P3H2: variants seen among roughly 807,000 people sequenced by gnomAD.
P3H2 encodes prolyl 3-hydroxylase 2.
Under a neutral mutation model 87.0 loss-of-function variants are expected in P3H2, and 80 were observed. That is an observed-to-expected ratio of 0.92 (90% confidence interval 0.77 to 1.11). P3H2 has a LOEUF of 1.11. Ranked by LOEUF, P3H2 falls within the 50% of genes least tolerant of loss-of-function variation. P3H2 has a pLI of 0.00. For synonymous variants in P3H2, 367 were observed against 359.3 expected, an observed-to-expected ratio of 1.02 and a Z score of -0.24; for missense variants, 1,001 against 923.9, an observed-to-expected ratio of 1.08 and a Z score of -1.08.
chr3:190,098,637 G>C (rs986217482), intron 1 of P3H2, among the ~76,000 whole-genome samples: 2 of 152,126 alleles, frequency 1.3e-5, no homozygotes, highest in Admixed American at 1.3e-4. Context: ...AGAGGCAAAA[G>C]AGACTTTGAG....
chr3:190,079,067 G>A (rs1435032250), intron 1 of P3H2, among the ~76,000 whole-genome samples: 6 of 152,126 alleles, frequency 3.9e-5, no homozygotes, highest in Non-Finnish European at 8.8e-5. Context: ...TGAGCCAGGT[G>A]TGGTGGCTCA....
At chr3:190,015,557 T>C (rs1724725986) in intron 1 of P3H2, among the ~76,000 whole-genome samples, 1 of 152,030 alleles carries the variant, frequency 6.6e-6, no homozygotes, top group African/African-American at 2.4e-5. Flanking sequence ...ATGAACTTTT[T>C]TTGTCTCCCT....
chr3:190,038,716 A>G (rs9852687), intron 1 of P3H2, among the ~76,000 whole-genome samples: 2,184 of 152,322 alleles, frequency 0.014, 49 homozygotes, highest in African/African-American at 0.05. Context: ...CCCCAAGACA[A>G]GCCAGAAATA....
At chr3:189,994,039 G>T in intron 3 of P3H2, 55 bp downstream of exon 3, 2 of 1,336,196 alleles carry the variant, frequency 1.5e-6, no homozygotes, top group Non-Finnish European at 1.1e-6. Flanking sequence ...TTTACAAATT[G>T]CAAGTAGTAT....
rs149108440 is a variant in P3H2 at position 190,102,886 on chromosome 3, C to T, written c.480+17366G>A. On this transcript the variant is annotated intron_variant, in intron 1 of 14. Coordinates refer to ENST00000319332, the MANE Select transcript of P3H2 (RefSeq NM_018192.4). ...TTTTTGTTTTAAATGCCAGTCACTCCAATTTACAGTAACCACCAACCTGAT... is the reference window on the plus strand; with the variant it reads ...TTTTTGTTTTAAATGCCAGTCACTCTAATTTACAGTAACCACCAACCTGAT... Among the ~76,000 whole-genome samples the T allele has an allele frequency of 4.7e-3, 709 of 152,220 alleles. 2 individuals are homozygous for T. Among genetic ancestry groups the T allele is most frequent in the African/African-American group, 0.016 (662 of 41,558 alleles).
chr3:190,067,757 T>C (rs1726559524), intron 1 of P3H2, among the ~76,000 whole-genome samples: 1 of 152,172 alleles, frequency 6.6e-6, no homozygotes, highest in African/African-American at 2.4e-5. Flanking sequence ...GGGGGGAATA[T>C]TTTCTTTATT....
chr3:190,036,945 A>AATAT (rs5855294), intron 1 of P3H2, among the ~76,000 whole-genome samples: 91 of 150,488 alleles, frequency 6.0e-4, no homozygotes, highest in South Asian at 2.9e-3. Context: ...GAAAGATAAA[A>AATAT]ATATATATAT....
At chr3:190,045,396 C>T (rs1208982318) in intron 1 of P3H2, among the ~76,000 whole-genome samples, 1 of 152,170 alleles carries the variant, frequency 6.6e-6, no homozygotes, top group Non-Finnish European at 1.5e-5. Context: ...GAAGAGACAT[C>T]TGAAAAAAAT....
Position 190,004,436 on chromosome 3 carries a change from G to A in P3H2, c.481-8994C>T, listed in dbSNP as rs544427059. 3.3e-5 allele frequency among the ~76,000 whole-genome samples: 5 copies of A among 152,286 alleles called. 1 individual carries two copies. Among genetic ancestry groups the A allele is most frequent in the Admixed American group, 2.0e-4 (3 of 15,292 alleles). Reference sequence around the variant, plus strand: ...CTCGCTCTGTCGCCCAGGCTGGAGTGCAGTGGCGGGATCTCGGCTCACTGC... The same window carrying A: ...CTCGCTCTGTCGCCCAGGCTGGAGTACAGTGGCGGGATCTCGGCTCACTGC... On this transcript the variant is annotated intron_variant, in intron 1 of 14. Transcript: ENST00000319332.
chr3:190,111,405 C>T (rs1039578368), intron 1 of P3H2, among the ~76,000 whole-genome samples: 26 of 152,170 alleles, frequency 1.7e-4, no homozygotes, highest in African/African-American at 6.3e-4. Context: ...AAAATTTGGG[C>T]CACTCAATTC....
chr3:190,003,378 T>G (rs184174479), intron 1 of P3H2, among the ~76,000 whole-genome samples: 1 of 152,294 alleles, frequency 6.6e-6, no homozygotes, highest in East Asian at 1.9e-4. Context: ...TCTAGAAGAT[T>G]TCTTATCTAA....
At chr3:190,054,943 C>T (rs538291402) in intron 1 of P3H2, among the ~76,000 whole-genome samples, 1 of 152,324 alleles carries the variant, frequency 6.6e-6, no homozygotes, top group African/African-American at 2.4e-5. Flanking sequence ...AGACACCATT[C>T]TCCAAGAATC....
intron 14 of P3H2, 152 bp from the exon 15 acceptor site, chr3:189,958,156 G>C: frequency 4.3e-6 from 3 of 694,762 alleles, no homozygotes; most frequent in Non-Finnish European, 7.9e-6. Flanking sequence ...TCCCCAGACA[G>C]ATGCCTTCTC....
At chr3:190,029,913 A>C (rs1725198827) in intron 1 of P3H2, among the ~76,000 whole-genome samples, 1 of 151,962 alleles carries the variant, frequency 6.6e-6, no homozygotes, top group Non-Finnish European at 1.5e-5. Flanking sequence ...GAGGCAGGAG[A>C]ATTGCTTGAA....
chr3:190,085,660 A>G (rs1169993715), intron 1 of P3H2, among the ~76,000 whole-genome samples: 1 of 152,212 alleles, frequency 6.6e-6, no homozygotes, highest in Non-Finnish European at 1.5e-5. Context: ...CCTTTGTTTG[A>G]GACAGATTAG....
intron 3 of P3H2, among the ~76,000 whole-genome samples, chr3:189,990,575 G>C (rs760243971): frequency 2.3e-4 from 35 of 152,012 alleles, no homozygotes; most frequent in Non-Finnish European, 4.1e-4. Flanking sequence ...TCATAGCAGA[G>C]CTAGTAATAA....
chr3:190,042,428 T>TTGTGTG (rs58506083), intron 1 of P3H2, among the ~76,000 whole-genome samples: 9 of 150,702 alleles, frequency 6.0e-5, no homozygotes, highest in Non-Finnish European at 1.0e-4. Context: ...TTGTAAGATT[T>TTGTGTG]TGTGTGTGTG....
rs78314026 is a variant in P3H2, at chr3:190,014,791, C to T, written c.481-19349G>A. On this transcript the variant is annotated intron_variant, in intron 1 of 14. Transcript: ENST00000319332. ...TGCTCTGTATGACTCTTTCCATACTCCCCGGCTGGTGCCTTCAGAGCCACA... is the reference window on the plus strand; with the variant it reads ...TGCTCTGTATGACTCTTTCCATACTTCCCGGCTGGTGCCTTCAGAGCCACA... Among the ~76,000 whole-genome samples the T allele has an allele frequency of 1.6e-3, 250 of 152,132 alleles. 2 individuals carry two copies. Among genetic ancestry groups the T allele is most frequent in the African/African-American group, 5.7e-3 (238 of 41,498 alleles).
At chr3:190,099,048 G>A (rs1408394174) in intron 1 of P3H2, among the ~76,000 whole-genome samples, 1 of 151,844 alleles carries the variant, frequency 6.6e-6, no homozygotes, top group Non-Finnish European at 1.5e-5. Flanking sequence ...AAGAAAAAGG[G>A]TTCTTTCATG....
Sources: allele counts gnomAD v4.1 joint callset (sites outside exome capture counted in the v4.1 genomes callset), GRCh38; gene constraint gnomAD v4.1.1; transcripts MANE v1.5; gene names NCBI Gene and HGNC (gene_info 2026-07-23, HGNC 2026-07-21).